Variants in NEB observed in about 807,000 individuals in gnomAD.
NEB encodes the protein nemaline myopathy type 2.
A neutral mutation model predicts 952.2 loss-of-function variants in NEB; 512 were observed. The observed-to-expected ratio is 0.54, with a 90% CI of 0.50 to 0.58. The LOEUF is 0.58. Among genes scored for constraint, NEB ranks in the 20% least tolerant of loss-of-function variants. NEB has a pLI of 0.00. For missense variants in NEB, 8,428 were observed against 9,231.1 expected (o/e 0.91, Z 3.56); for synonymous variants, 2,900 against 3,149.8 (o/e 0.92, Z 2.66).
intron 143 of NEB, among the ~76,000 whole-genome samples, chr2:151,532,678 A>G (rs1194589793): frequency 1.3e-5 from 2 of 151,968 alleles, no homozygotes; most frequent in African/African-American, 4.8e-5. Flanking sequence ...TAACCTCCTC[A>G]TTTCACATAT....
intron 173 of NEB, among the ~76,000 whole-genome samples, chr2:151,495,935 T>A (rs1574915309): frequency 6.6e-6 from 1 of 152,276 alleles, no homozygotes; most frequent in South Asian, 2.1e-4. Context: ...GCATTGGACC[T>A]ACTCCACCAC....
rs2096453492 is a variant in NEB at position 151,567,434 on chromosome 2, C to A, written c.17890G>T (p.Gly5964Cys). The A allele has an allele frequency of 6.2e-7, 1 of 1,613,234 alleles. No homozygotes were observed. The highest frequency in any genetic ancestry group is 1.3e-5 in the African/African-American group (1 of 74,904). The stretch of plus-strand genomic sequence containing the variant: ...GGATCATCTCTCATCGTCGGGACAC[C>A]AACATAATGACCTTTTTGCTTCACA... The part of the protein sequence containing the change: ...EHVKQKGHYV[G>C]VPTMRDDPKL... The change falls in exon 114 of 182, where the codon GGT (glycine) becomes TGT (cysteine). Residue 5964 changes from glycine to cysteine, a missense_variant. Gly to Cys is a radical substitution (Grantham distance 159). Around this residue, in one of 11 missense-constraint regions of NEB, gnomAD observed 3,374 missense variants for 3,651.5 expected, o/e 0.92. Transcript: ENST00000397345.
intron 146 of NEB, 59 bp downstream of exon 146, chr2:151,529,151 T>C: frequency 8.9e-7 from 1 of 1,126,672 alleles, no homozygotes; most frequent in South Asian, 1.3e-5. Context: ...AAAGAGGCCA[T>C]GTGTCCTACA....
chr2:151,706,912 T>C lies in NEB; in HGVS notation c.1121A>G (p.Gln374Arg), dbSNP rs2099708968. 6.2e-7 allele frequency: 1 copy of C among 1,606,234 alleles called. No individual in the cohort carries two copies. The highest frequency in any genetic ancestry group is 1.1e-5 in the South Asian group (1 of 89,060). The change falls in exon 13 of 182, where the codon CAG becomes CGG. Residue 374 changes from glutamine to arginine, a missense_variant. This residue lies in a region of NEB where 2,851 missense variants were observed against 2,791.5 expected (regional missense o/e 1.02). Transcript: ENST00000397345. Reference sequence around the variant, plus strand: ...TAGGGCATCTCCTGCTGCCTTCAGCTGCCTAAGCTGTGGGTTCTCTGAAGC... The same window carrying C: ...TAGGGCATCTCCTGCTGCCTTCAGCCGCCTAAGCTGTGGGTTCTCTGAAGC... ...LPASENPQLR[Q>R]LKAAGDALSD...
chr2:151,497,675 A>AC lies in NEB; in HGVS notation c.24250dup (p.Val8084GlyfsTer16). 1 of 1,586,238 alleles carries AC rather than the reference A, an allele frequency of 6.3e-7. No individual in the cohort carries two copies. The highest frequency in any genetic ancestry group is 8.6e-7 in the Non-Finnish European group (1 of 1,163,986). ...TTTGACTCTTTCCATCTCGGGAGTG[A>AC]CAGGTAAAGGGGTTCCCTTGCCCAT... On this transcript the variant is annotated frameshift_variant, in exon 171 of 182. Transcript: ENST00000397345. LOFTEE classifies it high-confidence loss of function.
intron 142 of NEB, chr2:151,534,327 A>C: frequency 6.2e-7 from 1 of 1,609,064 alleles, no homozygotes; most frequent in Non-Finnish European, 8.5e-7. Flanking sequence ...TTTCTGCTCA[A>C]ACATCATAGC....
In NEB at chr2:151,679,948, C is replaced by G; in HGVS notation, c.3117G>C (p.Gln1039His). 1 of 1,613,770 alleles carries G rather than the reference C, an allele frequency of 6.2e-7. No individual in the cohort carries two copies. Among genetic ancestry groups the G allele is most frequent in the Non-Finnish European group, 8.5e-7 (1 of 1,179,672 alleles). The change falls in exon 31 of 182, where the codon CAG becomes CAC. Residue 1039 changes from glutamine to histidine, a missense_variant. Transcript: ENST00000397345. The stretch of plus-strand genomic sequence containing the variant: ...TGATATTGTAGGCATTAACTTTAGC[C>G]TGGATGAACTGGGGCAGGTCTGGTG... ...NLPPDLPQFI[Q>H]AKVNAYNISE... is the part of the protein sequence containing the mutation.
At chr2:151,574,199 C>T (rs1197973400) in intron 107 of NEB, among the ~76,000 whole-genome samples, 1 of 152,220 alleles carries the variant, frequency 6.6e-6, no homozygotes, top group Non-Finnish European at 1.5e-5. Flanking sequence ...TGGTCTCGAT[C>T]TCCTGACCTC....
At chr2:151,565,402 T>A in intron 116 of NEB, 99 bp downstream of exon 116, 2 of 917,600 alleles carry the variant, frequency 2.2e-6, no homozygotes, top group South Asian at 2.9e-5. Flanking sequence ...CACCTCCCAA[T>A]TTTTTTACAA....
At position 151,639,364 on chromosome 2, in the gene NEB, C is replaced by T; in HGVS notation, c.8910G>A (p.Trp2970Ter). Reference protein sequence around the residue: ...TMNKRLYTEAWDKDKTQIHIM... With the variant: ...TMNKRLYTEA ...TGTGGATCTGAGTCTTGTCTTTGTC[C>T]CAGGCTTCTGTGTATAAACGCTATC... Residue 2970 changes from tryptophan (W) to a stop codon, truncating the protein, a stop_gained, in exon 63 of 182, where the codon TGG (tryptophan) becomes TGA (stop). Transcript: ENST00000397345. LOFTEE classifies it high-confidence loss of function. The T allele has an allele frequency of 1.3e-6, 2 of 1,544,684 alleles. No homozygotes were observed.
At chr2:151,486,055 G>A in intron 181 of NEB, 122 bp from the exon 182 acceptor site, 1 of 1,007,666 alleles carries the variant, frequency 9.9e-7, no homozygotes, top group Non-Finnish European at 1.5e-6. Context: ...AAGAGAATGT[G>A]CAAGCATCAA....
intron 129 of NEB, among the ~76,000 whole-genome samples, chr2:151,551,084 C>T (rs1464197129): frequency 6.6e-6 from 1 of 151,924 alleles, no homozygotes; most frequent in Non-Finnish European, 1.5e-5. Flanking sequence ...TCTCCTGCCT[C>T]AGCCTCCCAA....
intron 130 of NEB, among the ~76,000 whole-genome samples, chr2:151,549,145 G>A (rs1369277402): frequency 6.6e-6 from 1 of 152,180 alleles, no homozygotes. Context: ...TGTGAACTGG[G>A]CACAGAGGAT....
chr2:151,637,375 G>A (rs1466012573), intron 63 of NEB, among the ~76,000 whole-genome samples: 1 of 152,212 alleles, frequency 6.6e-6, no homozygotes, highest in African/African-American at 2.4e-5. Context: ...TGAAGGAAGT[G>A]GGTGAGGCCC....
rs775150466 is a variant in NEB, at chr2:151,508,017, C to T, written c.23439G>A (p.Lys7813=). The T allele has an allele frequency of 2.5e-6, 4 of 1,607,160 alleles. No homozygotes were observed. The highest frequency in any genetic ancestry group is 1.6e-4 in the Middle Eastern group (1 of 6,074). ...PEIQRVRENQ[K]NFSLLQYQCD... ...AATAAAAACTTACAAGGCTGAAGTTCTTTTGGTTCTCCCGGACTCTCTGTA... is the reference window on the plus strand; with the variant it reads ...AATAAAAACTTACAAGGCTGAAGTTTTTTTGGTTCTCCCGGACTCTCTGTA... The change falls in exon 162 of 182, where the codon AAG becomes AAA. Residue 7813 remains lysine, a synonymous_variant. Transcript: ENST00000397345.
At chr2:151,492,674 T>A in intron 176 of NEB, 180 bp from the exon 177 acceptor site, 1 of 413,330 alleles carries the variant, frequency 2.4e-6, no homozygotes, top group East Asian at 3.5e-5. Context: ...GGCCCGCCAG[T>A]GGAAGAGAAA....
intron 179 of NEB, 55 bp downstream of exon 179, chr2:151,491,628 C>G: frequency 1.5e-6 from 2 of 1,375,590 alleles, no homozygotes; most frequent in Non-Finnish European, 2.0e-6. Flanking sequence ...AAGTCATTGA[C>G]TCTAGCATAC....
chr2:151,636,999 T>G, intron 63 of NEB, among the ~76,000 whole-genome samples: 1 of 152,068 alleles, frequency 6.6e-6, no homozygotes, highest in Non-Finnish European at 1.5e-5. Flanking sequence ...GGGAAAGGCT[T>G]AACTGTTGAT....
At chr2:151,544,654 T>C (rs1413554815) in intron 135 of NEB, among the ~76,000 whole-genome samples, 1 of 152,196 alleles carries the variant, frequency 6.6e-6, no homozygotes, top group African/African-American at 2.4e-5. Context: ...AATGTTGCAT[T>C]TGCAAAAGCT....
Sources: gnomAD v4.1 joint callset for allele counts (sites outside exome capture counted in the v4.1 genomes callset) on GRCh38, gnomAD v4.1.1 for gene constraint, gnomAD v4.1.1 regional missense constraint, MANE v1.5 for transcripts, NCBI Gene and HGNC (gene_info 2026-07-23, HGNC 2026-07-21) for gene names.